KCNQ1OT1: variants seen among roughly 807,000 people sequenced by gnomAD.
The protein encoded by KCNQ1OT1 is KCNQ1 opposite strand/antisense transcript 1.
rs574996370 is a variant in KCNQ1OT1, at chr11:2,630,607, G to A, written n.69388C>T. The A allele has an allele frequency of 5.8e-5, 23 of 398,274 alleles. No individual in the cohort carries two copies. The Middle Eastern group carries it at 1.9e-3, about 33-fold the overall frequency. 24.7% of individuals were successfully genotyped at this position (398,274 alleles called of 1,614,324 possible). A position where few individuals can be genotyped will look rare whatever the true frequency, so the allele number is the denominator to read the frequency against. On this transcript the variant is annotated non_coding_transcript_exon_variant, in exon 1 of 1. Transcript: ENST00000597346. The stretch of plus-strand genomic sequence containing the variant: ...CTTTTAACCTTTATACTAGAGTTAT[G>A]TGATTTATATACTACCATTACACTA...
At chr11:2,638,973 A>G (rs965326920) in exon 1 of KCNQ1OT1, 2 of 152,136 alleles carry the variant, frequency 1.3e-5, no homozygotes, top group African/African-American at 2.4e-5. Context: ...TTGATCTTCA[A>G]TCACCGATAT....
chr11:2,641,712 C>T lies in KCNQ1OT1; in HGVS notation n.58283G>A, dbSNP rs192078954. On this transcript the variant is annotated non_coding_transcript_exon_variant, in exon 1 of 1. Coordinates refer to ENST00000597346, the Ensembl canonical transcript of KCNQ1OT1. ...CTTATCCATAAAATCTTTCCCTAGA[C>T]CAATGTCCTAAAGTGTTTCCCCAAT... 463 of 398,394 alleles carry T rather than the reference C, an allele frequency of 1.2e-3. 2 individuals carry two copies. The highest frequency in any genetic ancestry group is 8.8e-3 in the African/African-American group (429 of 48,720). 24.7% of individuals were successfully genotyped at this position (398,394 alleles called of 1,614,324 possible). A position where few individuals can be genotyped will look rare whatever the true frequency, so the allele number is the denominator to read the frequency against.
exon 1 of KCNQ1OT1, chr11:2,693,300 G>GCA (rs1191140166): frequency 4.5e-5 from 18 of 398,630 alleles, no homozygotes; most frequent in Admixed American, 8.8e-5. Flanking sequence ...ACTGCTCTTA[G>GCA]CACCCACAGG....
exon 1 of KCNQ1OT1, chr11:2,666,583 G>A (rs886799733): frequency 2.5e-6 from 1 of 398,664 alleles, no homozygotes. Flanking sequence ...GACAGGGCCA[G>A]TCTGTGCTGT....
At chr11:2,629,301 T>C (rs1849313362) in exon 1 of KCNQ1OT1, 2 of 398,286 alleles carry the variant, frequency 5.0e-6, no homozygotes, top group Admixed American at 4.4e-5. Context: ...TCTAGGTCTT[T>C]TATCTCCTTG....
rs1368001581 is a variant in KCNQ1OT1, at chr11:2,671,144, C to G, written n.28851G>C. The G allele has an allele frequency of 1.5e-5, 6 of 398,424 alleles. No homozygotes were observed. The highest frequency in any genetic ancestry group is 4.4e-6 in the Non-Finnish European group (1 of 226,082). 24.7% of individuals were successfully genotyped at this position (398,424 alleles called of 1,614,324 possible). A position where few individuals can be genotyped will look rare whatever the true frequency, so the allele number is the denominator to read the frequency against. Reference sequence around the variant, plus strand: ...CAGGCCTGGTTGGTCCCATGGGAGGCCTGAGGTGCCATCTTAGAAATAGGG... The same window carrying G: ...CAGGCCTGGTTGGTCCCATGGGAGGGCTGAGGTGCCATCTTAGAAATAGGG... On this transcript the variant is annotated non_coding_transcript_exon_variant, in exon 1 of 1. Transcript: ENST00000597346. This position sits in a 1 kb window ranked among gnomAD's most constrained non-coding sequence, Gnocchi z 4.7.
chr11:2,666,005 A>G, exon 1 of KCNQ1OT1: 1 of 398,568 alleles, frequency 2.5e-6, no homozygotes. Context: ...TGGAATTCAC[A>G]CGTCTGCCCC....
chr11:2,647,271 T>C lies in KCNQ1OT1; in HGVS notation n.52724A>G. On this transcript the variant is annotated non_coding_transcript_exon_variant, in exon 1 of 1. Coordinates refer to ENST00000597346, the Ensembl canonical transcript of KCNQ1OT1. The surrounding 1 kb of genome is among the most constrained non-coding windows in gnomAD (Gnocchi z 4.0). ...TCCTTCCTTCTGTTAATGTGATGTATCACATTTATTGATTTGTATATGTTG... is the reference window on the plus strand; with the variant it reads ...TCCTTCCTTCTGTTAATGTGATGTACCACATTTATTGATTTGTATATGTTG... 2.5e-6 allele frequency: 1 copy of C among 398,534 alleles called. No individual in the cohort carries two copies. Among genetic ancestry groups the C allele is most frequent in the Non-Finnish European group, 4.4e-6 (1 of 226,056 alleles). The allele number at this position is 398,534 out of a possible 1,614,324, so 24.7% of individuals were successfully genotyped here.
At chr11:2,656,895 T>C (rs1849860156) in exon 1 of KCNQ1OT1, 1 of 398,516 alleles carries the variant, frequency 2.5e-6, no homozygotes, top group South Asian at 1.3e-4. Flanking sequence ...GAATTTTTGG[T>C]ATATGATGTG....
In KCNQ1OT1 at chr11:2,652,774, C is replaced by T. The variant is rs982026801; in HGVS notation, n.47221G>A. Reference sequence around the variant, plus strand: ...CTCTGTCACTGCCTGTCTTCCTCAGCGCCCCCGCTACTCAGACCCCACCCT... The same window carrying T: ...CTCTGTCACTGCCTGTCTTCCTCAGTGCCCCCGCTACTCAGACCCCACCCT... On this transcript the variant is annotated non_coding_transcript_exon_variant, in exon 1 of 1. Coordinates refer to ENST00000597346, the Ensembl canonical transcript of KCNQ1OT1. This position sits in a 1 kb window ranked among gnomAD's most constrained non-coding sequence, Gnocchi z 5.9. The T allele has an allele frequency of 2.0e-5, 8 of 399,020 alleles. No homozygotes were observed. Among genetic ancestry groups the T allele is most frequent in the South Asian group, 1.3e-4 (1 of 7,868 alleles). The allele number at this position is 399,020 out of a possible 1,614,324, so 24.7% of individuals were successfully genotyped here.
chr11:2,662,488 C>G, exon 1 of KCNQ1OT1: 1 of 464,830 alleles, frequency 2.2e-6, no homozygotes, highest in Non-Finnish European at 3.8e-6. Flanking sequence ...CCAGTTGCTG[C>G]TGCTGTCCTC....
chr11:2,636,971 A>G (rs1198912941), exon 1 of KCNQ1OT1: 1 of 152,250 alleles, frequency 6.6e-6, no homozygotes, highest in South Asian at 2.1e-4. Context: ...GTTTATTTGC[A>G]TAGAGGTGTT....
Position 2,657,901 on chromosome 11 carries a change from T to C in KCNQ1OT1, n.42094A>G, listed in dbSNP as rs1849878751. Reference sequence around the variant, plus strand: ...CCAGTGAGGTGAGATGCTTTCCTCATTGTGGAACATGACATCAACATGGTT... The same window carrying C: ...CCAGTGAGGTGAGATGCTTTCCTCACTGTGGAACATGACATCAACATGGTT... On this transcript the variant is annotated non_coding_transcript_exon_variant, in exon 1 of 1. Coordinates refer to ENST00000597346, the Ensembl canonical transcript of KCNQ1OT1. The surrounding 1 kb of genome is among the most constrained non-coding windows in gnomAD (Gnocchi z 4.8). 2.5e-6 allele frequency: 1 copy of C among 398,506 alleles called. No homozygotes were observed. The highest frequency in any genetic ancestry group is 4.4e-5 in the Admixed American group (1 of 22,710). 24.7% of individuals were successfully genotyped at this position (398,506 alleles called of 1,614,324 possible). A position where few individuals can be genotyped will look rare whatever the true frequency, so the allele number is the denominator to read the frequency against.
chr11:2,694,788 C>G (rs1221355035), exon 1 of KCNQ1OT1: 1 of 398,476 alleles, frequency 2.5e-6, no homozygotes, highest in East Asian at 3.6e-5. Flanking sequence ...TGCAGAGACT[C>G]GAAAGGTAGT....
exon 1 of KCNQ1OT1, chr11:2,640,918 CATAAG>C (rs1405008160): frequency 1.0e-5 from 4 of 399,436 alleles, no homozygotes; most frequent in African/African-American, 6.2e-5. Context: ...ATGATAATAA[CATAAG>C]ATAATTATCT....
chr11:2,680,364 C>A (rs1850374828), exon 1 of KCNQ1OT1: 1 of 398,156 alleles, frequency 2.5e-6, no homozygotes, highest in South Asian at 1.3e-4. Flanking sequence ...AAGCAGTTTA[C>A]CCACATGTTC....
chr11:2,658,331 T>G lies in KCNQ1OT1; in HGVS notation n.41664A>C, dbSNP rs1849888332. 5.0e-6 allele frequency: 2 copies of G among 398,468 alleles called. No homozygotes were observed. Among genetic ancestry groups the G allele is most frequent in the Non-Finnish European group, 8.8e-6 (2 of 226,062 alleles). The allele number at this position is 398,468 out of a possible 1,614,324, so 24.7% of individuals were successfully genotyped here. A position where few individuals can be genotyped will look rare whatever the true frequency, so the allele number is the denominator to read the frequency against. ...GGAAGATTTGTCCCTCTCCTCCAAT[T>G]GTTTATTTAATTTTATCAGTGTGGA... On this transcript the variant is annotated non_coding_transcript_exon_variant, in exon 1 of 1. Coordinates refer to ENST00000597346, the Ensembl canonical transcript of KCNQ1OT1. This position sits in a 1 kb window ranked among gnomAD's most constrained non-coding sequence, Gnocchi z 4.9.
chr11:2,693,663 G>T lies in KCNQ1OT1; in HGVS notation n.6332C>A, dbSNP rs765539603. On this transcript the variant is annotated non_coding_transcript_exon_variant, in exon 1 of 1. Transcript: ENST00000597346. ...CTCTGGGAGAAAGGCTTTTAGTTCC[G>T]CAGACAGAGCAGCCAGAGACTGGGT... The T allele has an allele frequency of 1.5e-5, 6 of 398,638 alleles. No homozygotes were observed. In the South Asian group the frequency reaches 6.4e-4, roughly 42 times the overall value. 24.7% of individuals were successfully genotyped at this position (398,638 alleles called of 1,614,324 possible). A position where few individuals can be genotyped will look rare whatever the true frequency, so the allele number is the denominator to read the frequency against.
exon 1 of KCNQ1OT1, chr11:2,646,651 G>A: frequency 2.5e-6 from 1 of 398,584 alleles, no homozygotes; most frequent in Non-Finnish European, 4.4e-6. Context: ...TCAGCCTCCT[G>A]AGTAGCTGAA....
Sources: allele counts gnomAD v4.1 joint callset, GRCh38; gene constraint gnomAD v4.1.1; non-coding constraint Gnocchi (gnomAD v3.1); transcripts MANE v1.5; gene names NCBI Gene and HGNC (gene_info 2026-07-23, HGNC 2026-07-21).